The following PDE10A variants were observed in gnomAD, a reference collection of about 807,000 sequenced individuals.
PDE10A encodes cAMP and cAMP-inhibited cGMP 3',5'-cyclic phosphodiesterase 10A.
In PDE10A, 39 loss-of-function variants were observed where a neutral mutation model predicts 97.7. The ratio of observed to expected loss-of-function variants is 0.40; its 90% confidence interval spans 0.31 to 0.52. The LOEUF (loss-of-function observed/expected upper bound fraction) is 0.52, where lower values mean the gene tolerates loss of function less well. Among genes scored for constraint, PDE10A ranks in the 20% least tolerant of loss-of-function variants. The pLI, the probability that PDE10A is intolerant of heterozygous loss-of-function variation, is 0.56. For missense variants in PDE10A, 731 were observed against 1,047.8 expected (o/e 0.70, Z 4.17); for synonymous variants, 371 against 376.8 (o/e 0.98, Z 0.18).
intron 1 of PDE10A, among the ~76,000 whole-genome samples, chr6:165,802,607 T>C (rs1463797033): frequency 1.3e-5 from 2 of 152,102 alleles, no homozygotes; most frequent in African/African-American, 4.8e-5. Flanking sequence ...TGAAGAAAAA[T>C]GTTACCAAAT....
chr6:165,499,720 T>C (rs1229660236), intron 2 of PDE10A, among the ~76,000 whole-genome samples: 1 of 152,224 alleles, frequency 6.6e-6, no homozygotes, highest in African/African-American at 2.4e-5. Flanking sequence ...TTAAAAATAA[T>C]GTTCCATTTT....
intron 1 of PDE10A, among the ~76,000 whole-genome samples, chr6:165,975,031 T>C (rs1354212857): frequency 2.0e-5 from 3 of 152,206 alleles, no homozygotes; most frequent in Non-Finnish European, 4.4e-5. Flanking sequence ...GCACTTCATC[T>C]CATTGTCTGG....
chr6:165,920,449 A>G (rs1782722414), intron 1 of PDE10A, among the ~76,000 whole-genome samples: 1 of 152,148 alleles, frequency 6.6e-6, no homozygotes, highest in Admixed American at 6.6e-5. Flanking sequence ...TAGTAAAATG[A>G]TCCAGTTATC....
intron 2 of PDE10A, among the ~76,000 whole-genome samples, chr6:165,534,787 G>A (rs1782981336): frequency 6.6e-6 from 1 of 151,882 alleles, no homozygotes; most frequent in Non-Finnish European, 1.5e-5. Flanking sequence ...GGCTATAGAA[G>A]AAACATACCT....
At chr6:165,417,522 T>G (rs910174298) in intron 11 of PDE10A, among the ~76,000 whole-genome samples, 9 of 152,184 alleles carry the variant, frequency 5.9e-5, no homozygotes, top group Admixed American at 1.3e-4. Context: ...AGTTGTTATT[T>G]TCAAAATTAA....
chr6:165,404,806 C>T (rs371062317), intron 13 of PDE10A, among the ~76,000 whole-genome samples: 13 of 152,204 alleles, frequency 8.5e-5, no homozygotes, highest in African/African-American at 2.9e-4. Flanking sequence ...ACTTACCATG[C>T]TTGCACAACT....
chr6:165,749,601 T>C (rs950154493), intron 1 of PDE10A, among the ~76,000 whole-genome samples: 1 of 152,250 alleles, frequency 6.6e-6, no homozygotes, highest in Non-Finnish European at 1.5e-5. Context: ...CCTAAAATAT[T>C]GGTGAGGCCT....
rs533277798 is a variant in PDE10A at position 165,709,860 on chromosome 6, C to CAA, written c.-614-166293_-614-166292insTT. On this transcript the variant is annotated intron_variant, in intron 1 of 19. Transcript: ENST00000366882. Reference sequence around the variant, plus strand: ...AGTGGTCTTTGAAAACTACCTGTTGCATTGCTTCACTCTTTTGCTTCAAAT... The same window carrying CAA: ...AGTGGTCTTTGAAAACTACCTGTTGCAAATTGCTTCACTCTTTTGCTTCAAAT... 2.4e-4 allele frequency among the ~76,000 whole-genome samples: 37 copies of CAA among 151,184 alleles called. 1 individual carries two copies. The East Asian group carries it at 5.7e-3, about 23-fold the overall frequency.
intron 1 of PDE10A, among the ~76,000 whole-genome samples, chr6:165,784,274 T>G (rs558838207): frequency 6.6e-6 from 1 of 151,770 alleles, no homozygotes; most frequent in Admixed American, 6.6e-5. Context: ...TGCCTTTAAC[T>G]CAGTGGACGT....
At chr6:165,675,005 T>C (rs1177956271) in intron 1 of PDE10A, among the ~76,000 whole-genome samples, 1 of 152,186 alleles carries the variant, frequency 6.6e-6, no homozygotes, top group African/African-American at 2.4e-5. Flanking sequence ...AGACCTTTTC[T>C]CCTGGGAGAA....
chr6:165,568,672 T>C (rs1357751448), intron 1 of PDE10A, among the ~76,000 whole-genome samples: 1 of 152,192 alleles, frequency 6.6e-6, no homozygotes, highest in South Asian at 2.1e-4. Context: ...AGAATAGTGA[T>C]GCTGGCAATT....
intron 17 of PDE10A, among the ~76,000 whole-genome samples, chr6:165,381,883 A>G (rs1784959550): frequency 6.6e-6 from 1 of 152,278 alleles, no homozygotes; most frequent in African/African-American, 2.4e-5. Flanking sequence ...GACAAACAGT[A>G]TCTTCTTTAA....
intron 1 of PDE10A, among the ~76,000 whole-genome samples, chr6:165,841,774 T>G (rs1331230555): frequency 3.9e-5 from 6 of 152,238 alleles, no homozygotes; most frequent in Non-Finnish European, 8.8e-5. Context: ...AGGACAGCTC[T>G]GGAATAAATG....
intron 1 of PDE10A, among the ~76,000 whole-genome samples, chr6:165,722,665 C>T: frequency 6.6e-6 from 1 of 152,010 alleles, no homozygotes. Flanking sequence ...TAACTGAAAC[C>T]ATGGAAAGTG....
chr6:165,483,884 T>C (rs1439109635), intron 2 of PDE10A, among the ~76,000 whole-genome samples: 2 of 152,222 alleles, frequency 1.3e-5, no homozygotes, highest in Admixed American at 6.5e-5. Context: ...AGTTAGTACT[T>C]CTCAAACTTG....
rs962484076 is a variant in PDE10A, at chr6:165,479,748, T to C, written c.1023+2567A>G. 7.2e-5 allele frequency among the ~76,000 whole-genome samples: 11 copies of C among 151,778 alleles called. No individual in the cohort carries two copies. In the East Asian group the frequency reaches 1.2e-3, roughly 16 times the overall value. On this transcript the variant is annotated intron_variant, in intron 3 of 21. Coordinates refer to ENST00000539869, the MANE Select transcript of PDE10A (RefSeq NM_001385079.1). ...TTGTATCCACAGCACCTTAGAACAA[T>C]GCCTAAAACAGAAATGCTAAAAAAA...
chr6:165,396,508 A>G (rs1562420376), intron 13 of PDE10A, 49 bp from the exon 14 acceptor site: 1 of 1,550,420 alleles, frequency 6.4e-7, no homozygotes, highest in Non-Finnish European at 8.7e-7. Context: ...AAGAATATTT[A>G]AACTGTTTTG....
intron 1 of PDE10A, among the ~76,000 whole-genome samples, chr6:165,808,788 T>A (rs533437769): frequency 6.6e-6 from 1 of 152,352 alleles, no homozygotes; most frequent in African/African-American, 2.4e-5. Flanking sequence ...TGGGTCAAAA[T>A]GGAACATAAC....
chr6:165,385,242 A>G (rs1785221162), intron 17 of PDE10A, among the ~76,000 whole-genome samples: 1 of 152,130 alleles, frequency 6.6e-6, no homozygotes, highest in African/African-American at 2.4e-5. Context: ...CTCTAAGGTC[A>G]TCAGCCTGCA....
Sources: gnomAD v4.1 joint callset for allele counts (sites outside exome capture counted in the v4.1 genomes callset) on GRCh38, gnomAD v4.1.1 for gene constraint, MANE v1.5 for transcripts, NCBI Gene and HGNC (gene_info 2026-07-23, HGNC 2026-07-21) for gene names.